The following LIFR variants were observed in gnomAD, a reference collection of about 807,000 sequenced individuals.
The protein encoded by LIFR is LIF receptor subunit alpha, also known as leukemia inhibitory factor receptor.
LIFR carries 84 observed loss-of-function variants against 122.2 expected under a neutral mutation model. That is an observed-to-expected ratio of 0.69 (90% confidence interval 0.58 to 0.82). The LOEUF (loss-of-function observed/expected upper bound fraction) is 0.82, where lower values mean the gene tolerates loss of function less well. Ranked by LOEUF, LIFR falls within the 40% of genes least tolerant of loss-of-function variation. The pLI, the probability that LIFR is intolerant of heterozygous loss-of-function variation, is 0.00. For missense variants in LIFR, 1,294 were observed against 1,311.6 expected (o/e 0.99, Z 0.21); for synonymous variants, 422 against 434.7 (o/e 0.97, Z 0.36).
chr5:38,566,178 C>T (rs1749018874), intron 1 of LIFR, among the ~76,000 whole-genome samples: 1 of 152,062 alleles, frequency 6.6e-6, no homozygotes, highest in South Asian at 2.1e-4. Context: ...AGCTTAAAAG[C>T]CTGAGTATTT....
At chr5:38,501,175 A>T (rs1405473737) in intron 11 of LIFR, among the ~76,000 whole-genome samples, 2 of 152,234 alleles carry the variant, frequency 1.3e-5, no homozygotes. Flanking sequence ...TGCTGTGTTA[A>T]GCCACTGAAT....
At chr5:38,529,903 A>C (rs1377677398) in intron 2 of LIFR, among the ~76,000 whole-genome samples, 9 of 152,246 alleles carry the variant, frequency 5.9e-5, no homozygotes, top group Non-Finnish European at 8.8e-5. Context: ...GACCTTGGAG[A>C]AAAGAGATCT....
chr5:38,573,651 G>A (rs1561219395), intron 1 of LIFR, among the ~76,000 whole-genome samples: 1 of 152,194 alleles, frequency 6.6e-6, no homozygotes, highest in African/African-American at 2.4e-5. Flanking sequence ...AATAATTTCA[G>A]ACATGATCAG....
intron 1 of LIFR, among the ~76,000 whole-genome samples, chr5:38,562,490 C>CA (rs1748873798): frequency 6.6e-6 from 1 of 152,162 alleles, no homozygotes; most frequent in Non-Finnish European, 1.5e-5. Context: ...ATCGTACATC[C>CA]AGAATACTGA....
chr5:38,564,741 CA>C (rs1748955883), intron 1 of LIFR, among the ~76,000 whole-genome samples: 2 of 65,304 alleles, frequency 3.1e-5, no homozygotes, highest in Non-Finnish European at 6.4e-5. Flanking sequence ...ACACTACACA[CA>C]CACACACACA....
intron 7 of LIFR, 149 bp downstream of exon 7, chr5:38,510,315 T>G: frequency 1.4e-6 from 1 of 705,266 alleles, no homozygotes; most frequent in Non-Finnish European, 2.4e-6. Flanking sequence ...AATATTCTAG[T>G]GCCTTTGTAT....
chr5:38,496,332 T>C (rs765631687), intron 13 of LIFR, 50 bp downstream of exon 13: 2 of 1,373,672 alleles, frequency 1.5e-6, no homozygotes, highest in Middle Eastern at 3.6e-4. Context: ...ATCAGACATT[T>C]CTCACTTTAG....
chr5:38,544,593 C>A lies in LIFR; in HGVS notation c.-20+11741G>T, dbSNP rs536136211. On this transcript the variant is annotated intron_variant, in intron 1 of 19. Transcript: ENST00000453190. Reference sequence around the variant, plus strand: ...TTGCCTCCCTCCCCCAAATCCCGCACCACAACCACACACTGCTCACTCTTC... The same window carrying A: ...TTGCCTCCCTCCCCCAAATCCCGCAACACAACCACACACTGCTCACTCTTC... Among the ~76,000 whole-genome samples, 10 of 152,298 alleles carry A rather than the reference C, an allele frequency of 6.6e-5. No homozygotes were observed. In the South Asian group the frequency reaches 1.9e-3, roughly 28 times the overall value.
chr5:38,515,843 C>T (rs1035192731), intron 5 of LIFR, among the ~76,000 whole-genome samples: 3 of 152,060 alleles, frequency 2.0e-5, no homozygotes, highest in African/African-American at 7.2e-5. Flanking sequence ...GCTCCCACTG[C>T]TGGACACAGA....
At chr5:38,496,798 G>A (rs1426421182) in intron 12 of LIFR, among the ~76,000 whole-genome samples, 1 of 150,784 alleles carries the variant, frequency 6.6e-6, no homozygotes, top group Non-Finnish European at 1.5e-5. Flanking sequence ...CCAACATGGT[G>A]AAACCCAGTC....
intron 5 of LIFR, among the ~76,000 whole-genome samples, chr5:38,515,770 G>A (rs1746044810): frequency 6.6e-6 from 1 of 152,076 alleles, no homozygotes; most frequent in African/African-American, 2.4e-5. Context: ...GAAAGTCAAG[G>A]AGGAGTATTT....
In LIFR at chr5:38,506,497, C is replaced by G; in HGVS notation, c.1121+6G>C. ...CCATCTGACATCTTTTCCCAGTTAT[C>G]ATTACCTTTCAACTAAAGTGTAGCT... On this transcript the variant is annotated splice_donor_region_variant and intron_variant, in intron 8 of 19. Coordinates refer to ENST00000453190, the MANE Select transcript of LIFR (RefSeq NM_001127671.2). 1 of 1,614,072 alleles carries G rather than the reference C, an allele frequency of 6.2e-7. No individual in the cohort carries two copies. The highest frequency in any genetic ancestry group is 1.1e-5 in the South Asian group (1 of 91,070).
At chr5:38,584,021 C>CT (rs151281841) in intron 1 of LIFR, among the ~76,000 whole-genome samples, 5,644 of 149,040 alleles carry the variant, frequency 0.038, 350 homozygotes, top group African/African-American at 0.13. Flanking sequence ...AAATCTCTCT[C>CT]TTTTTTTTTT....
chr5:38,560,156 G>C (rs753644194), upstream of LIFR, among the ~76,000 whole-genome samples: 4 of 150,300 alleles, frequency 2.7e-5, no homozygotes, highest in Non-Finnish European at 4.4e-5. Flanking sequence ...TGTGTTCCTG[G>C]AATAAATTTT....
chr5:38,546,959 G>A (rs866700509), intron 1 of LIFR, among the ~76,000 whole-genome samples: 2 of 152,078 alleles, frequency 1.3e-5, no homozygotes, highest in African/African-American at 4.8e-5. Flanking sequence ...TCTAGCCAGC[G>A]ACCCAATGTC....
At chr5:38,539,513 G>C (rs1364592167) in intron 1 of LIFR, among the ~76,000 whole-genome samples, 1 of 152,146 alleles carries the variant, frequency 6.6e-6, no homozygotes, top group Non-Finnish European at 1.5e-5. Context: ...CATTCAAATA[G>C]AGTCCTCGGT....
chr5:38,490,018 AAAAGAG>A (rs1744493268), intron 15 of LIFR, among the ~76,000 whole-genome samples, 166 bp downstream of exon 15: 13 of 150,856 alleles, frequency 8.6e-5, no homozygotes, highest in Admixed American at 6.0e-4. Context: ...AAAAAAAAAA[AAAAGAG>A]GAGGAGGAGA....
chr5:38,530,590 T>C lies in LIFR; in HGVS notation c.58A>G (p.Met20Val). The C allele has an allele frequency of 9.9e-6, 16 of 1,612,564 alleles. No homozygotes were observed. Among genetic ancestry groups the C allele is most frequent in the Non-Finnish European group, 1.4e-5 (16 of 1,178,564 alleles). The change falls in exon 2 of 20, where the codon ATG (methionine) becomes GTG (valine). Residue 20 changes from methionine (M) to valine (V), a missense_variant. By Grantham distance (21) the Met-to-Val change is conservative (BLOSUM62 1). Transcript: ENST00000453190. ...RPSWMVDNKR[M>V]RTASNFQWLL... ...CACTGGAAATTTGAAGCAGTCCTCA[T>C]TCTTTTATTGTCCACCATCCAGGAT...
intron 1 of LIFR, among the ~76,000 whole-genome samples, chr5:38,593,226 AAAAC>A (rs779326882): frequency 8.5e-4 from 129 of 152,224 alleles, no homozygotes; most frequent in Non-Finnish European, 1.6e-3. Flanking sequence ...AAAACAAAAC[AAAAC>A]AAACAAACAA....
Sources: allele counts gnomAD v4.1 joint callset (sites outside exome capture counted in the v4.1 genomes callset), GRCh38; gene constraint gnomAD v4.1.1; transcripts MANE v1.5; gene names NCBI Gene and HGNC (gene_info 2026-07-23, HGNC 2026-07-21).